The following PMS2 variants were observed in gnomAD, a reference collection of about 807,000 sequenced individuals.
The protein encoded by PMS2 is mismatch repair endonuclease PMS2.
In PMS2, 69 loss-of-function variants were observed where a neutral mutation model predicts 90.0. The observed-to-expected ratio is 0.77, with a 90% confidence interval of 0.63 to 0.94. The LOEUF is 0.94. PMS2 is among the 40% of genes least tolerant of loss of function. The pLI, the probability that PMS2 is intolerant of heterozygous loss-of-function variation, is 0.00. For missense variants in PMS2, 966 were observed against 1,040.2 expected (o/e 0.93, Z 0.98); for synonymous variants, 332 against 375.1 (o/e 0.89, Z 1.33).
At chr7:5,998,316 G>C (rs1030714667) in intron 6 of PMS2, among the ~76,000 whole-genome samples, 9 of 149,956 alleles carry the variant, frequency 6.0e-5, no homozygotes, top group Non-Finnish European at 1.0e-4. Flanking sequence ...TCCTGACCTC[G>C]TGATCCGCCC....
intron 9 of PMS2, among the ~76,000 whole-genome samples, chr7:5,991,137 C>A (rs1783685679): frequency 6.6e-6 from 1 of 151,986 alleles, no homozygotes; most frequent in South Asian, 2.1e-4. Context: ...CAAACTATAA[C>A]CATGCATTGG....
intron 11 of PMS2, among the ~76,000 whole-genome samples, chr7:5,985,628 A>T (rs1782779237): frequency 6.7e-6 from 1 of 148,696 alleles, no homozygotes; most frequent in Non-Finnish European, 1.5e-5. Flanking sequence ...ATCTCGGCTC[A>T]CCACAACCTC....
intron 14 of PMS2, among the ~76,000 whole-genome samples, chr7:5,976,984 T>C (rs1781732622): frequency 8.2e-6 from 1 of 122,246 alleles, no homozygotes; most frequent in Non-Finnish European, 1.8e-5. Flanking sequence ...TGAGCTGTGA[T>C]TGTGCCACTG....
At chr7:5,988,616 T>C (rs191155288) in intron 10 of PMS2, among the ~76,000 whole-genome samples, 13 of 152,296 alleles carry the variant, frequency 8.5e-5, no homozygotes, top group African/African-American at 3.1e-4. Context: ...TGGATGAGGA[T>C]GTTCATGACA....
In PMS2 at chr7:5,995,692, A is replaced by G. The variant is rs1020008855; in HGVS notation, c.804-59T>C. ...CAGAGTGAAAGGGATTAGAAATACG[A>G]TCACATGGCACATTCTTAAAGTGAA... is the stretch of plus-strand genomic sequence containing the variant. On this transcript the variant is annotated intron_variant, in intron 7 of 14. Coordinates refer to ENST00000265849, the MANE Select transcript of PMS2 (RefSeq NM_000535.7). 11 of 1,105,296 alleles carry G rather than the reference A, an allele frequency of 1.0e-5. No individual in the cohort carries two copies. In the African/African-American group the frequency reaches 1.1e-4, roughly 11 times the overall value. The allele number at this position is 1,105,296 out of a possible 1,614,324, so 68.5% of individuals were successfully genotyped here.
intron 13 of PMS2, 26 bp downstream of exon 13, chr7:5,978,570 C>T (rs763240852): frequency 1.5e-5 from 23 of 1,577,976 alleles, no homozygotes; most frequent in South Asian, 5.6e-5. Flanking sequence ...CACACCCAGC[C>T]GCTATAGTTC....
chr7:5,989,001 G>A (rs1188105432), intron 10 of PMS2, among the ~76,000 whole-genome samples: 4 of 151,928 alleles, frequency 2.6e-5, no homozygotes, highest in East Asian at 2.0e-4. Context: ...GACTACAGGC[G>A]CCCGCCACCA....
chr7:5,978,475 T>C (rs1478369200), intron 13 of PMS2, 121 bp downstream of exon 13: 4 of 1,149,130 alleles, frequency 3.5e-6, no homozygotes, highest in Non-Finnish European at 3.8e-6. Context: ...TTCACCATGT[T>C]AGCCAGGCTG....
At chr7:5,977,025 T>C (rs1432813709) in intron 14 of PMS2, among the ~76,000 whole-genome samples, 1 of 116,672 alleles carries the variant, frequency 8.6e-6, no homozygotes, top group Admixed American at 8.3e-5. Context: ...AGGGAGAATC[T>C]GTCTAAAAAA....
intron 12 of PMS2, among the ~76,000 whole-genome samples, chr7:5,982,269 G>T (rs1362238500): frequency 6.6e-6 from 1 of 152,000 alleles, no homozygotes; most frequent in African/African-American, 2.4e-5. Flanking sequence ...GCGATGGCAC[G>T]AACTCGGCTC....
chr7:5,996,983 GGT>G (rs1371611019), intron 7 of PMS2, among the ~76,000 whole-genome samples: 1 of 152,088 alleles, frequency 6.6e-6, no homozygotes, highest in East Asian at 1.9e-4. Context: ...GGGACACCAA[GGT>G]GGGCGGATCA....
At chr7:5,991,942 C>T (rs759094158) in intron 9 of PMS2, 31 bp downstream of exon 9, 28 of 965,838 alleles carry the variant, frequency 2.9e-5, no homozygotes, top group Non-Finnish European at 3.9e-5. Flanking sequence ...GCATTAGTCA[C>T]TAGTTGTACT....
At chr7:5,996,528 C>T (rs192167966) in intron 7 of PMS2, among the ~76,000 whole-genome samples, 4 of 146,766 alleles carry the variant, frequency 2.7e-5, no homozygotes, top group East Asian at 2.0e-4. Context: ...GCCAAGATCA[C>T]GGCACTGCAC....
At chr7:5,977,835 T>G in intron 13 of PMS2, 78 bp from the exon 14 acceptor site, 1 of 1,562,758 alleles carries the variant, frequency 6.4e-7, no homozygotes, top group Non-Finnish European at 8.8e-7. Context: ...GATGAACATC[T>G]GAGGCCGGGC....
rs863224450 is a variant in PMS2, at chr7:6,002,452, C to T, written c.537+1G>A. The T allele has an allele frequency of 6.3e-7, 1 of 1,594,938 alleles. No individual in the cohort carries two copies. Among genetic ancestry groups the T allele is most frequent in the Admixed American group, 1.7e-5 (1 of 59,972 alleles). On this transcript the variant is annotated splice_donor_variant, in intron 5 of 14. Transcript: ENST00000265849. LOFTEE classifies it high-confidence loss of function. ...TGAAAACCAGGATTAATTTACTGTA[C>T]CTTCTTAATATTCCTTTGAAATTCC...
intron 1 of PMS2, among the ~76,000 whole-genome samples, chr7:6,007,478 A>C (rs1785936131): frequency 6.6e-6 from 1 of 152,220 alleles, no homozygotes; most frequent in South Asian, 2.1e-4. Context: ...ACTACAGTGT[A>C]TAAGCAGGTC....
chr7:5,986,888 G>A lies in PMS2; in HGVS notation c.1877C>T (p.Ala626Val), dbSNP rs786203121. ...ATGATGTAACTGCTTTATTCGTTTA[G>A]CTAAAGAACTCATAGAAAAGTCCAG... is the stretch of plus-strand genomic sequence containing the variant. ...VPLDFSMSSL[A>V]KRIKQLHHEA... Residue 626 changes from alanine (A) to valine (V), a missense_variant, in exon 11 of 15, where the codon GCT becomes GTT. This residue lies in a region of PMS2 where 871 missense variants were observed against 802.4 expected (regional missense o/e 1.09). Coordinates refer to ENST00000265849, the MANE Select transcript of PMS2 (RefSeq NM_000535.7). The A allele has an allele frequency of 6.2e-7, 1 of 1,614,014 alleles. No individual in the cohort carries two copies. The highest frequency in any genetic ancestry group is 8.5e-7 in the Non-Finnish European group (1 of 1,180,002).
rs876659181 is a variant in PMS2, at chr7:6,003,776, T to G, written c.267A>C (p.Thr89=). 1 of 1,604,630 alleles carries G rather than the reference T, an allele frequency of 6.2e-7. No homozygotes were observed. Among genetic ancestry groups the G allele is most frequent in the Non-Finnish European group, 8.5e-7 (1 of 1,177,096 alleles). ...NFEGLTLKHH[T]SKIQEFADLT... Reference sequence around the variant, plus strand: ...GGTCGGCAAACTCTTGAATCTTAGATGTGTGATGTTTCAGAGCTGAAAGAG... The same window carrying G: ...GGTCGGCAAACTCTTGAATCTTAGAGGTGTGATGTTTCAGAGCTGAAAGAG... The change falls in exon 4 of 15, where the codon ACA becomes ACC. Residue 89 remains threonine (T), a synonymous_variant. Coordinates refer to ENST00000265849, the MANE Select transcript of PMS2 (RefSeq NM_000535.7).
intron 8 of PMS2, among the ~76,000 whole-genome samples, chr7:5,994,405 CA>C (rs993353760): frequency 2.7e-5 from 4 of 150,862 alleles, no homozygotes; most frequent in African/African-American, 4.9e-5. Flanking sequence ...AAAACAACAA[CA>C]AAAAAAACTG....
Sources: allele counts gnomAD v4.1 joint callset (sites outside exome capture counted in the v4.1 genomes callset), GRCh38; gene constraint gnomAD v4.1.1; regional missense constraint gnomAD v4.1.1; transcripts MANE v1.5; gene names NCBI Gene and HGNC (gene_info 2026-07-23, HGNC 2026-07-21).